The following TNFSF12 variants were observed in gnomAD, a reference collection of about 807,000 sequenced individuals.
TNFSF12 encodes the protein TNF superfamily member 12.
TNFSF12 carries 16 observed loss-of-function variants against 31.2 expected under a neutral mutation model. That is an observed-to-expected ratio of 0.51 (90% CI 0.35 to 0.78). The LOEUF (loss-of-function observed/expected upper bound fraction) is 0.78. Ranked by LOEUF, TNFSF12 falls within the 30% of genes least tolerant of loss-of-function variation. The probability of loss-of-function intolerance (pLI) is 0.01; values close to 1 mark genes in which losing one functional copy is unlikely to be tolerated. For synonymous variants in TNFSF12, 150 were observed against 151.4 expected, an observed-to-expected ratio of 0.99 and a Z score of 0.07; for missense variants, 324 against 338.8, an observed-to-expected ratio of 0.96 and a Z score of 0.34.
rs142338989 is a variant in TNFSF12, at chr17:7,552,666, G to A, written c.373+1688G>A. On this transcript the variant is annotated intron_variant, in intron 5 of 6. Coordinates refer to ENST00000293825, the MANE Select transcript of TNFSF12 (RefSeq NM_003809.3). ...TTAAAGCCACAGGATTGGGTGAGAC[G>A]CCAGGAGAAAGAAGGGCCCCACGAA... Among the ~76,000 whole-genome samples, 324 of 152,190 alleles carry A rather than the reference G, an allele frequency of 2.1e-3. 1 individual carries two copies. Among genetic ancestry groups the A allele is most frequent in the African/African-American group, 7.4e-3 (306 of 41,524 alleles).
Position 7,549,096 on chromosome 17 carries a change from C to G in TNFSF12, c.-58C>G. ...GATCCGCCCGCCGGCTCCCCCTCCCCCGATCCCTCGGGTCCCGGGATGGGG... is the reference window on the plus strand; with the variant it reads ...GATCCGCCCGCCGGCTCCCCCTCCCGCGATCCCTCGGGTCCCGGGATGGGG... On this transcript the variant is annotated 5_prime_UTR_variant, in exon 1 of 7. Coordinates refer to ENST00000293825, the MANE Select transcript of TNFSF12 (RefSeq NM_003809.3). This position sits in a 1 kb window ranked among gnomAD's most constrained non-coding sequence, Gnocchi z 4.1. The G allele has an allele frequency of 8.1e-7, 1 of 1,236,378 alleles. No individual in the cohort carries two copies. The highest frequency in any genetic ancestry group is 1.0e-6 in the Non-Finnish European group (1 of 989,974). The allele number at this position is 1,236,378 out of a possible 1,614,324, so 76.6% of individuals were successfully genotyped here.
In TNFSF12 at chr17:7,550,044, C is replaced by T. The variant is rs750089915; in HGVS notation, c.208-76C>T. The T allele has an allele frequency of 1.2e-6, 2 of 1,607,746 alleles. No homozygotes were observed. Among genetic ancestry groups the T allele is most frequent in the Non-Finnish European group, 1.7e-6 (2 of 1,174,936 alleles). ...TTCTGTGTCTATTGCTGGCTGGTGG[C>T]TCTCCTGACAGGCCCCGTATGTCTC... On this transcript the variant is annotated intron_variant, in intron 2 of 6. Coordinates refer to ENST00000293825, the MANE Select transcript of TNFSF12 (RefSeq NM_003809.3). The surrounding 1 kb of genome is among the most constrained non-coding windows in gnomAD (Gnocchi z 4.4).
At chr17:7,553,023 CTTTTTTTTTTTTTTTTTTTTTTT>C (rs71159509) in intron 5 of TNFSF12, among the ~76,000 whole-genome samples, 10 of 66,098 alleles carry the variant, frequency 1.5e-4, no homozygotes, top group East Asian at 4.0e-4. Context: ...CAGGGACAAC[CTTTTTTTTTTTTTTTTTTTTTTT>C]TTTTTTTTTT....
Position 7,550,082 on chromosome 17 carries a change from T to A in TNFSF12, c.208-38T>A. 6.2e-7 allele frequency: 1 copy of A among 1,614,002 alleles called. No individual in the cohort carries two copies. Among genetic ancestry groups the A allele is most frequent in the Non-Finnish European group, 8.5e-7 (1 of 1,179,960 alleles). ...CCCCGTATGTCTCACTTTATATCTC[T>A]GGGAGTCTGTGGTTGAACCCTGCCC... is the stretch of plus-strand genomic sequence containing the variant. On this transcript the variant is annotated intron_variant, in intron 2 of 6. Transcript: ENST00000293825. The surrounding 1 kb of genome is among the most constrained non-coding windows in gnomAD (Gnocchi z 4.4).
At position 7,550,749 on chromosome 17, in the gene TNFSF12, G is replaced by A. The variant is rs376947365; in HGVS notation, c.284-50G>A. 163 of 1,586,522 alleles carry A rather than the reference G, an allele frequency of 1.0e-4. No homozygotes were observed. Among genetic ancestry groups the A allele is most frequent in the Non-Finnish European group, 1.4e-4 (162 of 1,159,048 alleles). On this transcript the variant is annotated intron_variant, in intron 3 of 6. Transcript: ENST00000293825. This position sits in a 1 kb window ranked among gnomAD's most constrained non-coding sequence, Gnocchi z 4.4. The stretch of plus-strand genomic sequence containing the variant: ...GAATGGGGCTGGGAGAGTTGCTCTG[G>A]GACCCCCACTAGGGCCCGCTTTGCT...
Position 7,550,721 on chromosome 17 carries a change from G to C in TNFSF12, c.284-78G>C. On this transcript the variant is annotated intron_variant, in intron 3 of 6. Coordinates refer to ENST00000293825, the MANE Select transcript of TNFSF12 (RefSeq NM_003809.3). The surrounding 1 kb of genome is among the most constrained non-coding windows in gnomAD (Gnocchi z 4.4). ...AATAAGGATGCCAGGGTTCCTGAGA[G>C]GGGAATGGGGCTGGGAGAGTTGCTC... 2 of 1,560,014 alleles carry C rather than the reference G, an allele frequency of 1.3e-6. No individual in the cohort carries two copies. The highest frequency in any genetic ancestry group is 1.7e-6 in the Non-Finnish European group (2 of 1,145,122).
rs1268952869 is a variant in TNFSF12, at chr17:7,549,753, G to C, written c.207+232G>C. The stretch of plus-strand genomic sequence containing the variant: ...CTGAGTCTGAGGTGTTTATTGGCTG[G>C]GGGTGACGTGGTTGTATAAGATATG... On this transcript the variant is annotated intron_variant, in intron 2 of 6. Coordinates refer to ENST00000293825, the MANE Select transcript of TNFSF12 (RefSeq NM_003809.3). This position sits in a 1 kb window ranked among gnomAD's most constrained non-coding sequence, Gnocchi z 4.1. The C allele has an allele frequency of 4.4e-6, 3 of 681,602 alleles. No homozygotes were observed. Among genetic ancestry groups the C allele is most frequent in the Admixed American group, 3.0e-5 (1 of 32,996 alleles). The allele number at this position is 681,602 out of a possible 1,614,324, so 42.2% of individuals were successfully genotyped here.
chr17:7,549,101 C>T lies in TNFSF12; in HGVS notation c.-53C>T. 8.1e-7 allele frequency: 1 copy of T among 1,227,220 alleles called. No homozygotes were observed. Among genetic ancestry groups the T allele is most frequent in the South Asian group, 3.6e-5 (1 of 27,580 alleles). The allele number at this position is 1,227,220 out of a possible 1,614,324, so 76.0% of individuals were successfully genotyped here. ...GCCCGCCGGCTCCCCCTCCCCCGAT[C>T]CCTCGGGTCCCGGGATGGGGGGGCG... On this transcript the variant is annotated 5_prime_UTR_variant, in exon 1 of 7. Transcript: ENST00000293825. The surrounding 1 kb of genome is among the most constrained non-coding windows in gnomAD (Gnocchi z 4.1).
chr17:7,552,775 AG>A (rs2071014824), intron 5 of TNFSF12, among the ~76,000 whole-genome samples: 2 of 152,152 alleles, frequency 1.3e-5, no homozygotes, highest in Non-Finnish European at 2.9e-5. Context: ...AGAGAGAGGA[AG>A]AAACCCAGGG....
At chr17:7,553,038 T>C (rs1177338990) in intron 5 of TNFSF12, among the ~76,000 whole-genome samples, 3 of 74,150 alleles carry the variant, frequency 4.0e-5, no homozygotes, top group East Asian at 5.4e-4. Flanking sequence ...TTTTTTTTTT[T>C]TTTTTTTTTT....
In TNFSF12 at chr17:7,549,981, C is replaced by T; in HGVS notation, c.208-139C>T. The T allele has an allele frequency of 7.2e-7, 1 of 1,384,430 alleles. No homozygotes were observed. Among genetic ancestry groups the T allele is most frequent in the Non-Finnish European group, 1.0e-6 (1 of 996,902 alleles). 85.8% of individuals were successfully genotyped at this position (1,384,430 alleles called of 1,614,324 possible). ...CCAGCTTCACCTTTGCCCGGGGCCCCAGCTGTAGTTGGCTGAGGGGCTTAA... is the reference window on the plus strand; with the variant it reads ...CCAGCTTCACCTTTGCCCGGGGCCCTAGCTGTAGTTGGCTGAGGGGCTTAA... On this transcript the variant is annotated intron_variant, in intron 2 of 6. Coordinates refer to ENST00000293825, the MANE Select transcript of TNFSF12 (RefSeq NM_003809.3). The surrounding 1 kb of genome is among the most constrained non-coding windows in gnomAD (Gnocchi z 4.1).
chr17:7,557,587 A>C lies in TNFSF12; in HGVS notation c.*237A>C. On this transcript the variant is annotated 3_prime_UTR_variant, in exon 7 of 7. Transcript: ENST00000293825. The surrounding 1 kb of genome is among the most constrained non-coding windows in gnomAD (Gnocchi z 5.2). ...CACCTCACTAGCTCCCCAATCCCTG[A>C]CCCTTTGAGGCCCCCAGTGATCTCG... 3.6e-6 allele frequency: 2 copies of C among 554,374 alleles called. No individual in the cohort carries two copies. Among genetic ancestry groups the C allele is most frequent in the South Asian group, 2.7e-5 (1 of 36,716 alleles). The allele number at this position is 554,374 out of a possible 1,614,324, so 34.3% of individuals were successfully genotyped here. A position where few individuals can be genotyped will look rare whatever the true frequency, so the allele number is the denominator to read the frequency against.
In TNFSF12 at chr17:7,557,095, C is replaced by T. The variant is rs993444940; in HGVS notation, c.499-4C>T. ...CTGGACTCGGCCTGTTGTCCCCACCCCAGGTGCACTTTGATGAGGGGAAGG... is the reference window on the plus strand; with the variant it reads ...CTGGACTCGGCCTGTTGTCCCCACCTCAGGTGCACTTTGATGAGGGGAAGG... On this transcript the variant is annotated splice_region_variant and splice_polypyrimidine_tract_variant and intron_variant, in intron 6 of 6. Coordinates refer to ENST00000293825, the MANE Select transcript of TNFSF12 (RefSeq NM_003809.3). This position sits in a 1 kb window ranked among gnomAD's most constrained non-coding sequence, Gnocchi z 5.2. 6.2e-7 allele frequency: 1 copy of T among 1,608,762 alleles called. No individual in the cohort carries two copies. Among genetic ancestry groups the T allele is most frequent in the Non-Finnish European group, 8.5e-7 (1 of 1,176,366 alleles).
rs1057133113 is a variant in TNFSF12 at position 7,549,841 on chromosome 17, T to G, written c.208-279T>G. On this transcript the variant is annotated intron_variant, in intron 2 of 6. Coordinates refer to ENST00000293825, the MANE Select transcript of TNFSF12 (RefSeq NM_003809.3). This position sits in a 1 kb window ranked among gnomAD's most constrained non-coding sequence, Gnocchi z 4.1. ...GTGTGTATCCTCTGTGCGTGGTGAC[T>G]GGGTGCGGGCATGTGTGCAATGTGC... 1.5e-5 allele frequency: 9 copies of G among 606,026 alleles called. No individual in the cohort carries two copies. The highest frequency in any genetic ancestry group is 2.6e-5 in the Non-Finnish European group (9 of 344,988). 37.5% of individuals were successfully genotyped at this position (606,026 alleles called of 1,614,324 possible).
Position 7,557,003 on chromosome 17 carries a change from G to A in TNFSF12, c.499-96G>A. Reference sequence around the variant, plus strand: ...TACAGGGCTGGGAGGGTGAGTTGGGGTTTGGGTGGGATGGGATGCCTGCGT... The same window carrying A: ...TACAGGGCTGGGAGGGTGAGTTGGGATTTGGGTGGGATGGGATGCCTGCGT... On this transcript the variant is annotated intron_variant, in intron 6 of 6. Coordinates refer to ENST00000293825, the MANE Select transcript of TNFSF12 (RefSeq NM_003809.3). This position sits in a 1 kb window ranked among gnomAD's most constrained non-coding sequence, Gnocchi z 5.2. 1.2e-6 allele frequency: 1 copy of A among 840,180 alleles called. No homozygotes were observed. The highest frequency in any genetic ancestry group is 1.9e-6 in the Non-Finnish European group (1 of 540,182). The allele number at this position is 840,180 out of a possible 1,614,324, so 52.0% of individuals were successfully genotyped here.
Position 7,549,196 on chromosome 17 carries a change from G to C in TNFSF12, c.43G>C (p.Glu15Gln). 1 of 1,310,798 alleles carries C rather than the reference G, an allele frequency of 7.6e-7. No individual in the cohort carries two copies. The highest frequency in any genetic ancestry group is 2.2e-5 in the South Asian group (1 of 45,476). The allele number at this position is 1,310,798 out of a possible 1,614,324, so 81.2% of individuals were successfully genotyped here. A position where few individuals can be genotyped will look rare whatever the true frequency, so the allele number is the denominator to read the frequency against. ...RSQRRRGRRG[E>Q]PGTALLVPLA... ...CCAGAGGCGGAGGGGGCGCCGGGGG[G>C]AGCCGGGCACCGCCCTGCTGGTCCC... Residue 15 changes from glutamate to glutamine, a missense_variant, in exon 1 of 7, where the codon GAG (glutamate) becomes CAG (glutamine). Transcript: ENST00000293825. The surrounding 1 kb of genome is among the most constrained non-coding windows in gnomAD (Gnocchi z 4.1).
intron 5 of TNFSF12, among the ~76,000 whole-genome samples, chr17:7,554,689 G>A (rs545132538): frequency 2.1e-4 from 31 of 145,110 alleles, no homozygotes; most frequent in African/African-American, 8.0e-4. Flanking sequence ...GCGCCATCTC[G>A]GCTCACTGCA....
chr17:7,554,749 G>A (rs2071041230), intron 5 of TNFSF12, among the ~76,000 whole-genome samples: 1 of 140,270 alleles, frequency 7.1e-6, no homozygotes, highest in African/African-American at 2.5e-5. Context: ...CGAGTAGCTG[G>A]GACTACAGGC....
At chr17:7,553,688 G>A in intron 5 of TNFSF12, 2 of 1,302,618 alleles carry the variant, frequency 1.5e-6, no homozygotes. Context: ...TGGTCTGCAT[G>A]AAAGGCGAGG....
Sources: allele counts gnomAD v4.1 joint callset (sites outside exome capture counted in the v4.1 genomes callset), GRCh38; gene constraint gnomAD v4.1.1; non-coding constraint Gnocchi (gnomAD v3.1); transcripts MANE v1.5; gene names NCBI Gene and HGNC (gene_info 2026-07-23, HGNC 2026-07-21).